CCBE1: variants seen among roughly 807,000 people sequenced by gnomAD.
The protein encoded by CCBE1 is collagen and calcium binding EGF domains 1, also known as collagen and calcium-binding EGF domain-containing protein 1.
In CCBE1, 37 loss-of-function variants were observed where a neutral mutation model predicts 50.0. The ratio of observed to expected loss-of-function variants is 0.74; its 90% CI spans 0.57 to 0.97. The LOEUF is 0.97. Among genes scored for constraint, CCBE1 ranks in the 50% least tolerant of loss-of-function variants. CCBE1 has a pLI of 0.00. For synonymous variants in CCBE1, 234 were observed against 203.7 expected, an observed-to-expected ratio of 1.15 and a Z score of -1.27; for missense variants, 538 against 523.8, an observed-to-expected ratio of 1.03 and a Z score of -0.26.
intron 2 of CCBE1, among the ~76,000 whole-genome samples, chr18:59,596,818 C>T (rs1231061141): frequency 1.3e-5 from 2 of 152,180 alleles, no homozygotes; most frequent in Admixed American, 6.5e-5. Flanking sequence ...ATGAGCATCA[C>T]GTCGTCAAAA....
rs761445585 is a variant in CCBE1 at position 59,448,123 on chromosome 18, C to G, written c.655-20G>C. 1 of 1,613,376 alleles carries G rather than the reference C, an allele frequency of 6.2e-7. No individual in the cohort carries two copies. Among genetic ancestry groups the G allele is most frequent in the Non-Finnish European group, 8.5e-7 (1 of 1,179,944 alleles). ...AGCAATCTGCAAGGAGAAGAGGAAG[C>G]CTCAGTCAGGAAGCAATGGCAGAAG... On this transcript the variant is annotated intron_variant, in intron 6 of 10. Coordinates refer to ENST00000439986, the MANE Select transcript of CCBE1 (RefSeq NM_133459.4).
chr18:59,671,821 A>AG (rs1555706971), intron 2 of CCBE1, among the ~76,000 whole-genome samples: 3,353 of 139,834 alleles, frequency 0.024, 103 homozygotes, highest in South Asian at 0.086. Context: ...TTAAAAAAAA[A>AG]GGGGGGGGGT....
At chr18:59,523,175 G>C (rs1176791771) in intron 2 of CCBE1, among the ~76,000 whole-genome samples, 1 of 151,576 alleles carries the variant, frequency 6.6e-6, no homozygotes, top group African/African-American at 2.4e-5. Context: ...ATCCTCATGA[G>C]CAATGAGTGC....
At chr18:59,577,819 A>C (rs1358096485) in intron 2 of CCBE1, among the ~76,000 whole-genome samples, 2 of 152,232 alleles carry the variant, frequency 1.3e-5, no homozygotes, top group African/African-American at 4.8e-5. Context: ...CTTCAATAGA[A>C]GATGCCTGTT....
chr18:59,494,203 G>C (rs1913241625), intron 2 of CCBE1, among the ~76,000 whole-genome samples: 1 of 152,232 alleles, frequency 6.6e-6, no homozygotes, highest in African/African-American at 2.4e-5. Flanking sequence ...GAAATACATA[G>C]GTTGGAGTTG....
chr18:59,592,557 C>G (rs1037204140), intron 2 of CCBE1, among the ~76,000 whole-genome samples: 1 of 152,166 alleles, frequency 6.6e-6, no homozygotes, highest in Non-Finnish European at 1.5e-5. Context: ...CAAAGAAAGC[C>G]AAGTGCAAAT....
chr18:59,535,051 A>C (rs947489769), intron 2 of CCBE1, among the ~76,000 whole-genome samples: 2 of 152,222 alleles, frequency 1.3e-5, no homozygotes, highest in Non-Finnish European at 2.9e-5. Flanking sequence ...AATTTCCCCA[A>C]ATAATATCTC....
chr18:59,448,731 C>G (rs1397627504), intron 6 of CCBE1, among the ~76,000 whole-genome samples: 2 of 152,212 alleles, frequency 1.3e-5, no homozygotes, highest in East Asian at 3.8e-4. Context: ...AGTTCTGTCT[C>G]TCTAGAGATC....
Position 59,581,365 on chromosome 18 carries a change from T to C in CCBE1, c.213-101127A>G, listed in dbSNP as rs970632232. ...CTGAGGCAGGAGAATGGCTTGAACC[T>C]GGGAGGTGGAAATCTCAGTGAGCCG... On this transcript the variant is annotated intron_variant, in intron 2 of 10. Transcript: ENST00000439986. Among the ~76,000 whole-genome samples, 3 of 149,350 alleles carry C rather than the reference T, an allele frequency of 2.0e-5. No homozygotes were observed. The Admixed American group carries it at 2.0e-4, about 10-fold the overall frequency.
intron 2 of CCBE1, among the ~76,000 whole-genome samples, chr18:59,617,391 C>G (rs1372973160): frequency 6.6e-6 from 1 of 152,234 alleles, no homozygotes; most frequent in Admixed American, 6.5e-5. Flanking sequence ...ACCTCCATGA[C>G]CATCCATCAG....
intron 7 of CCBE1, among the ~76,000 whole-genome samples, chr18:59,442,553 C>A (rs1910482053): frequency 1.3e-5 from 2 of 151,982 alleles, no homozygotes; most frequent in Admixed American, 6.6e-5. Context: ...CACAGTGAAA[C>A]CCCATCTCTA....
intron 2 of CCBE1, among the ~76,000 whole-genome samples, chr18:59,504,967 C>T (rs556869568): frequency 2.3e-4 from 35 of 152,280 alleles, no homozygotes; most frequent in African/African-American, 8.4e-4. Flanking sequence ...AGAGTCCAAA[C>T]CTGGGCCATA....
chr18:59,564,556 T>C (rs28521571), intron 2 of CCBE1, among the ~76,000 whole-genome samples: 18,782 of 152,292 alleles, frequency 0.12, 1,641 homozygotes, highest in African/African-American at 0.24. Context: ...TTCAGTACTT[T>C]CTTTGTACCC....
chr18:59,673,076 G>A (rs749443592), intron 2 of CCBE1, among the ~76,000 whole-genome samples: 41 of 152,142 alleles, frequency 2.7e-4, no homozygotes, highest in Non-Finnish European at 4.1e-4. Context: ...TGGCTCCACC[G>A]CTGGTAAGTT....
chr18:59,448,398 T>C (rs544940729), intron 6 of CCBE1, among the ~76,000 whole-genome samples: 37 of 152,248 alleles, frequency 2.4e-4, no homozygotes, highest in Non-Finnish European at 2.8e-4. Flanking sequence ...GATCTACTTA[T>C]TTCATACTCT....
At chr18:59,671,322 C>T (rs1000510587) in intron 2 of CCBE1, among the ~76,000 whole-genome samples, 5 of 151,672 alleles carry the variant, frequency 3.3e-5, no homozygotes. Flanking sequence ...GGCAACAGGG[C>T]AAAACCCCAT....
intron 2 of CCBE1, among the ~76,000 whole-genome samples, chr18:59,664,514 T>C (rs2054326172): frequency 6.6e-6 from 1 of 152,100 alleles, no homozygotes. Context: ...ACATCCACAA[T>C]AAACATTCAG....
chr18:59,556,325 G>T (rs1415853031), intron 2 of CCBE1, among the ~76,000 whole-genome samples: 2 of 152,196 alleles, frequency 1.3e-5, no homozygotes, highest in African/African-American at 2.4e-5. Flanking sequence ...TGTCTTCCAG[G>T]AGTGATTAAA....
intron 2 of CCBE1, among the ~76,000 whole-genome samples, chr18:59,669,939 G>T (rs1315084039): frequency 1.4e-4 from 21 of 152,318 alleles, no homozygotes; most frequent in Non-Finnish European, 1.5e-5. Context: ...TTGCATCCAT[G>T]ATGATTACTG....
Sources: allele counts gnomAD v4.1 joint callset (sites outside exome capture counted in the v4.1 genomes callset), GRCh38; gene constraint gnomAD v4.1.1; transcripts MANE v1.5; gene names NCBI Gene and HGNC (gene_info 2026-07-23, HGNC 2026-07-21).